PXN: variants seen among roughly 807,000 people sequenced by gnomAD.
PXN encodes the protein testicular tissue protein Li 134.
A neutral mutation model predicts 103.6 loss-of-function variants in PXN; 61 were observed. That is an observed-to-expected ratio of 0.59 (90% CI 0.48 to 0.73). The LOEUF is 0.73. PXN is among the 30% of genes least tolerant of loss of function. The pLI is 0.00. For missense variants in PXN, 1,274 were observed against 1,460.3 expected, an observed-to-expected ratio of 0.87 and a Z score of 2.08; for synonymous variants, 562 against 607.8, an observed-to-expected ratio of 0.92 and a Z score of 1.11.
intron 1 of PXN, among the ~76,000 whole-genome samples, chr12:120,252,483 G>A (rs1049698731): frequency 2.0e-5 from 3 of 152,136 alleles, no homozygotes; most frequent in African/African-American, 7.2e-5. Context: ...TGAGTCAGGA[G>A]AAGGCTATTT....
In PXN at chr12:120,216,907, C is replaced by T. The variant is rs1435248364; in HGVS notation, c.1926G>A (p.Leu642=). ...GCACAGTGATGATGACGCCCTCGGTCAGCCAGTCCTGGGCAGAGGGCCCCG... is the reference window on the plus strand; with the variant it reads ...GCACAGTGATGATGACGCCCTCGGTTAGCCAGTCCTGGGCAGAGGGCCCCG... The part of the protein sequence containing the change: ...EAAGPSAQDW[L]TEGVIITVQP... Residue 642 remains leucine, a synonymous_variant, in exon 8 of 15, where the codon CTG becomes CTA. Coordinates refer to ENST00000637617, the MANE Select transcript of PXN (RefSeq NM_001385981.1). This position sits in a 1 kb window ranked among gnomAD's most constrained non-coding sequence, Gnocchi z 5.1. The T allele has an allele frequency of 6.6e-7, 1 of 1,520,750 alleles. No homozygotes were observed. Among genetic ancestry groups the T allele is most frequent in the African/African-American group, 1.4e-5 (1 of 72,286 alleles). The allele number at this position is 1,520,750 out of a possible 1,614,324, so 94.2% of individuals were successfully genotyped here. A position where few individuals can be genotyped will look rare whatever the true frequency, so the allele number is the denominator to read the frequency against.
chr12:120,261,116 T>C lies in PXN; in HGVS notation c.13+4501A>G, dbSNP rs112305424. ...ATAAAACCTGCCTCATATGGCCAGC[T>C]TGATTCAAGCAAACAATGCATGTAA... On this transcript the variant is annotated intron_variant, in intron 1 of 14. Transcript: ENST00000637617. Among the ~76,000 whole-genome samples the C allele has an allele frequency of 1.0e-2, 1,519 of 152,316 alleles. 23 individuals are homozygous for C. The highest frequency in any genetic ancestry group is 0.032 in the African/African-American group (1,336 of 41,572).
intron 1 of PXN, among the ~76,000 whole-genome samples, chr12:120,253,403 G>T (rs1197925687): frequency 6.6e-6 from 1 of 152,118 alleles, no homozygotes; most frequent in Non-Finnish European, 1.5e-5. Flanking sequence ...AACCCCAGAG[G>T]CGGAGGTTGC....
chr12:120,219,529 G>A lies in PXN; in HGVS notation c.1394C>T (p.Ala465Val). ...ARSFQEVTEP[A>V]VVAVDRQAIF... is the part of the protein sequence containing the mutation. Reference sequence around the variant, plus strand: ...GGCCTGCCGGTCCACTGCCACTACAGCTGGCTCTGTTACTTCTTGGAAGCT... The same window carrying A: ...GGCCTGCCGGTCCACTGCCACTACAACTGGCTCTGTTACTTCTTGGAAGCT... The change falls in exon 7 of 15, where the codon GCT (alanine) becomes GTT (valine). Residue 465 changes from alanine (A) to valine (V), a missense_variant. This residue lies in a region of PXN where 1,178 missense variants were observed against 1,309.0 expected (regional missense o/e 0.90). Transcript: ENST00000637617. This position sits in a 1 kb window ranked among gnomAD's most constrained non-coding sequence, Gnocchi z 6.5. 2 of 1,591,846 alleles carry A rather than the reference G, an allele frequency of 1.3e-6. No homozygotes were observed. The highest frequency in any genetic ancestry group is 2.2e-5 in the South Asian group (2 of 90,478).
At chr12:120,239,130 C>T (rs1315339920) in intron 1 of PXN, among the ~76,000 whole-genome samples, 2 of 152,192 alleles carry the variant, frequency 1.3e-5, no homozygotes, top group African/African-American at 4.8e-5. Context: ...CTTCCTGGTG[C>T]CACTGGTTTC....
Position 120,212,609 on chromosome 12 carries a change from GCT to G in PXN, c.2980-31_2980-30del. On this transcript the variant is annotated intron_variant, in intron 14 of 14. Coordinates refer to ENST00000637617, the MANE Select transcript of PXN (RefSeq NM_001385981.1). This position sits in a 1 kb window ranked among gnomAD's most constrained non-coding sequence, Gnocchi z 7.2. The stretch of plus-strand genomic sequence containing the variant: ...CCAGGCGGAGAGAGGGGCTCAGGGA[GCT>G]GCCCCTCGGGCTAGAGCTGCACCCT... 1 of 1,600,320 alleles carries G rather than the reference GCT, an allele frequency of 6.2e-7. No individual in the cohort carries two copies. Among genetic ancestry groups the G allele is most frequent in the Non-Finnish European group, 8.5e-7 (1 of 1,173,014 alleles).
chr12:120,225,055 C>G lies in PXN; in HGVS notation c.14-678G>C, dbSNP rs147428288. ...TTCTGCGGAAGTCTGGCAAGCAGCC[C>G]GGCCCCAGAGGCTCCAGGCCCCCAC... On this transcript the variant is annotated intron_variant, in intron 1 of 14. Transcript: ENST00000637617. This position sits in a 1 kb window ranked among gnomAD's most constrained non-coding sequence, Gnocchi z 4.4. The G allele has an allele frequency of 7.8e-6, 2 of 257,422 alleles. No individual in the cohort carries two copies. Among genetic ancestry groups the G allele is most frequent in the African/African-American group, 4.4e-5 (2 of 45,088 alleles). The allele number at this position is 257,422 out of a possible 1,614,324, so 15.9% of individuals were successfully genotyped here. A position where few individuals can be genotyped will look rare whatever the true frequency, so the allele number is the denominator to read the frequency against.
chr12:120,247,469 G>A (rs1299261988), intron 1 of PXN: 3 of 153,266 alleles, frequency 2.0e-5, no homozygotes, highest in East Asian at 1.9e-4. Flanking sequence ...AAAGCCATCC[G>A]TGGAACTAGA....
chr12:120,225,241 C>T lies in PXN; in HGVS notation c.14-864G>A. 1 of 161,192 alleles carries T rather than the reference C, an allele frequency of 6.2e-6. No homozygotes were observed. Among genetic ancestry groups the T allele is most frequent in the Admixed American group, 5.8e-5 (1 of 17,244 alleles). The allele number at this position is 161,192 out of a possible 1,614,324, so 10.0% of individuals were successfully genotyped here. A position where few individuals can be genotyped will look rare whatever the true frequency, so the allele number is the denominator to read the frequency against. On this transcript the variant is annotated intron_variant, in intron 1 of 14. Coordinates refer to ENST00000637617, the MANE Select transcript of PXN (RefSeq NM_001385981.1). This position sits in a 1 kb window ranked among gnomAD's most constrained non-coding sequence, Gnocchi z 4.4. ...AGTAGGACCTGCTGACCCCCACTTC[C>T]TCCATCCCCTCCTGGGACCCTCAAC...
chr12:120,215,420 A>C lies in PXN; in HGVS notation c.2403+140T>G. 2 of 1,451,376 alleles carry C rather than the reference A, an allele frequency of 1.4e-6. No homozygotes were observed. The highest frequency in any genetic ancestry group is 1.8e-6 in the Non-Finnish European group (2 of 1,103,326). 89.9% of individuals were successfully genotyped at this position (1,451,376 alleles called of 1,614,324 possible). ...ACCTCCTCCAGGGGCCAGGAGCCCT[A>C]AAGTGGGAGTGACGTCAGCAGGACT... On this transcript the variant is annotated intron_variant, in intron 10 of 14. Transcript: ENST00000637617. This position sits in a 1 kb window ranked among gnomAD's most constrained non-coding sequence, Gnocchi z 4.9.
In PXN at chr12:120,211,944, C is replaced by A; in HGVS notation, c.*370G>T. ...AAGAGACCCCAACAGACCCTGCCTG[C>A]CCTTCCCTGCCCCCCGGCTGCACTG... On this transcript the variant is annotated 3_prime_UTR_variant, in exon 15 of 15. Coordinates refer to ENST00000637617, the MANE Select transcript of PXN (RefSeq NM_001385981.1). 1.8e-6 allele frequency: 1 copy of A among 548,848 alleles called. No homozygotes were observed. The highest frequency in any genetic ancestry group is 4.9e-5 in the East Asian group (1 of 20,504). The allele number at this position is 548,848 out of a possible 1,614,324, so 34.0% of individuals were successfully genotyped here. A position where few individuals can be genotyped will look rare whatever the true frequency, so the allele number is the denominator to read the frequency against.
At chr12:120,264,613 G>A (rs753732293) in intron 1 of PXN, among the ~76,000 whole-genome samples, 1 of 152,232 alleles carries the variant, frequency 6.6e-6, no homozygotes, top group African/African-American at 2.4e-5. Flanking sequence ...TAGCCTTGGG[G>A]CTCCAATAAC....
chr12:120,236,711 G>A (rs1041289834), intron 1 of PXN, among the ~76,000 whole-genome samples: 38 of 152,018 alleles, frequency 2.5e-4, no homozygotes, highest in African/African-American at 8.9e-4. Flanking sequence ...TCCTGACCTC[G>A]TGATCCACCC....
At position 120,221,805 on chromosome 12, in the gene PXN, C is replaced by T; in HGVS notation, c.696-47G>A. On this transcript the variant is annotated intron_variant, in intron 5 of 14. Coordinates refer to ENST00000637617, the MANE Select transcript of PXN (RefSeq NM_001385981.1). This position sits in a 1 kb window ranked among gnomAD's most constrained non-coding sequence, Gnocchi z 6.6. Reference sequence around the variant, plus strand: ...AGTGGGGAGCCCACAGTCAGCCCCACACTTCCCGGGGATCAGATCGACCTC... The same window carrying T: ...AGTGGGGAGCCCACAGTCAGCCCCATACTTCCCGGGGATCAGATCGACCTC... 7 of 1,517,322 alleles carry T rather than the reference C, an allele frequency of 4.6e-6. No homozygotes were observed. Among genetic ancestry groups the T allele is most frequent in the Non-Finnish European group, 6.2e-6 (7 of 1,130,062 alleles). The allele number at this position is 1,517,322 out of a possible 1,614,324, so 94.0% of individuals were successfully genotyped here. A position where few individuals can be genotyped will look rare whatever the true frequency, so the allele number is the denominator to read the frequency against.
At chr12:120,254,393 A>C (rs1185548377) in intron 1 of PXN, among the ~76,000 whole-genome samples, 1 of 152,208 alleles carries the variant, frequency 6.6e-6, no homozygotes, top group Non-Finnish European at 1.5e-5. Flanking sequence ...TTGTTACATA[A>C]GTAGATTTAG....
At chr12:120,264,472 C>CCTCCCA (rs1253986455) in intron 1 of PXN, among the ~76,000 whole-genome samples, 1 of 152,170 alleles carries the variant, frequency 6.6e-6, no homozygotes, top group Non-Finnish European at 1.5e-5. Context: ...GACAGCGAAT[C>CCTCCCA]CTCCCACTCC....
In PXN at chr12:120,213,016, C is replaced by T. The variant is rs1880858716; in HGVS notation, c.2980-436G>A. On this transcript the variant is annotated intron_variant, in intron 14 of 14. Transcript: ENST00000637617. This position sits in a 1 kb window ranked among gnomAD's most constrained non-coding sequence, Gnocchi z 4.2. ...AGTGTTCCCAGAAACACAGGTGTGA[C>T]ACTGGTCTGTAGTCAAACTCTGCCT... The T allele has an allele frequency of 6.2e-6, 1 of 160,474 alleles. No individual in the cohort carries two copies. The highest frequency in any genetic ancestry group is 2.4e-5 in the African/African-American group (1 of 41,578). 9.9% of individuals were successfully genotyped at this position (160,474 alleles called of 1,614,324 possible).
At chr12:120,240,783 C>T (rs940606117) in intron 1 of PXN, among the ~76,000 whole-genome samples, 4 of 152,156 alleles carry the variant, frequency 2.6e-5, no homozygotes, top group African/African-American at 9.7e-5. Context: ...CCAGAGCATT[C>T]GCCATTGGAA....
At chr12:120,251,075 G>A (rs962804911) in intron 1 of PXN, among the ~76,000 whole-genome samples, 2 of 151,908 alleles carry the variant, frequency 1.3e-5, no homozygotes, top group African/African-American at 2.4e-5. Flanking sequence ...TGTGATGGCA[G>A]GTGCCTGTGA....
Sources: gnomAD v4.1 joint callset for allele counts (sites outside exome capture counted in the v4.1 genomes callset) on GRCh38, gnomAD v4.1.1 for gene constraint, gnomAD v4.1.1 regional missense constraint, Gnocchi (gnomAD v3.1) non-coding constraint, MANE v1.5 for transcripts, NCBI Gene and HGNC (gene_info 2026-07-23, HGNC 2026-07-21) for gene names.